LOXL3: variants seen among roughly 807,000 people sequenced by gnomAD.
The protein encoded by LOXL3 is lysyl oxidase like 3.
In LOXL3, 60 loss-of-function variants were observed where a neutral mutation model predicts 91.8. The observed-to-expected ratio is 0.65, with a 90% confidence interval of 0.53 to 0.81. LOXL3 has a LOEUF of 0.81. Among genes scored for constraint, LOXL3 ranks in the 30% least tolerant of loss-of-function variants. LOXL3 has a pLI of 0.00. For synonymous variants in LOXL3, 355 were observed against 387.6 expected (o/e 0.92, Z 0.99); for missense variants, 874 against 1,000.4 (o/e 0.87, Z 1.70).
In LOXL3 at chr2:74,534,748, C is replaced by G. The variant is rs774864986; in HGVS notation, c.1606G>C (p.Ala536Pro). 7.4e-6 allele frequency: 12 copies of G among 1,613,778 alleles called. No homozygotes were observed. The Admixed American group carries it at 1.5e-4, about 20-fold the overall frequency. ...ETASDLLLHS[A>P]LVQETAYIED... ...ATGTAGGCGGTCTCCTGCACCAGTG[C>G]TGAGTGCAGCAACAGATCTGATGCA... The change falls in exon 10 of 14, where the codon GCA becomes CCA. Residue 536 changes from alanine to proline, a missense_variant. By Grantham distance (27) the Ala-to-Pro change is conservative. Coordinates refer to ENST00000264094, the MANE Select transcript of LOXL3 (RefSeq NM_032603.5).
In LOXL3 at chr2:74,549,147, G is replaced by C; in HGVS notation, c.692+222C>G. 2.3e-6 allele frequency: 1 copy of C among 431,170 alleles called. No homozygotes were observed. Among genetic ancestry groups the C allele is most frequent in the Non-Finnish European group, 4.0e-6 (1 of 252,494 alleles). The allele number at this position is 431,170 out of a possible 1,614,324, so 26.7% of individuals were successfully genotyped here. A position where few individuals can be genotyped will look rare whatever the true frequency, so the allele number is the denominator to read the frequency against. On this transcript the variant is annotated intron_variant, in intron 4 of 13. Transcript: ENST00000264094. This position sits in a 1 kb window ranked among gnomAD's most constrained non-coding sequence, Gnocchi z 5.3. ...GCCCAGGCGTCGGCCACGAGAGAGC[G>C]GGAGCCTCGCTGGTCCCCATTTCAG...
In LOXL3 at chr2:74,533,261, A is replaced by G; in HGVS notation, c.*345T>C. 1 of 543,266 alleles carries G rather than the reference A, an allele frequency of 1.8e-6. No homozygotes were observed. Among genetic ancestry groups the G allele is most frequent in the Non-Finnish European group, 3.3e-6 (1 of 304,880 alleles). 33.7% of individuals were successfully genotyped at this position (543,266 alleles called of 1,614,324 possible). A position where few individuals can be genotyped will look rare whatever the true frequency, so the allele number is the denominator to read the frequency against. On this transcript the variant is annotated 3_prime_UTR_variant, in exon 14 of 14. Transcript: ENST00000264094. ...GGTAAAGCTGTATCCCCCTAAACTT[A>G]GGGGAGATACTGGAGCTGACCATCC...
rs934234883 is a variant in LOXL3 at position 74,549,560 on chromosome 2, C to G, written c.501G>C (p.Glu167Asp). ...VIEVEHHLQV[E>D]EVRIRPAVGW... is the part of the protein sequence containing the mutation. ...CAACGGCGGGTCGAATTCGCACCTC[C>G]TCCACTTGCAGGTGATGCTCTACCT... The change falls in exon 4 of 14, where the codon GAG (glutamate) becomes GAC (aspartate). Residue 167 changes from glutamate (E) to aspartate (D), a missense_variant. Physicochemically the swap from Glu to Asp is conservative, Grantham distance 45. Transcript: ENST00000264094. This position sits in a 1 kb window ranked among gnomAD's most constrained non-coding sequence, Gnocchi z 5.3. 11 of 1,610,768 alleles carry G rather than the reference C, an allele frequency of 6.8e-6. No homozygotes were observed. The highest frequency in any genetic ancestry group is 1.6e-4 in the Middle Eastern group (1 of 6,078).
chr2:74,552,284 A>C, intron 2 of LOXL3, 38 bp downstream of exon 2: 1 of 1,564,098 alleles, frequency 6.4e-7, no homozygotes, highest in Non-Finnish European at 8.7e-7. Context: ...TTGGCCACAC[A>C]TAGGAAATAT....
At position 74,535,758 on chromosome 2, in the gene LOXL3, G is replaced by T; in HGVS notation, c.1249-3C>A. On this transcript the variant is annotated splice_polypyrimidine_tract_variant and splice_region_variant and intron_variant, in intron 7 of 13. Coordinates refer to ENST00000264094, the MANE Select transcript of LOXL3 (RefSeq NM_032603.5). This position sits in a 1 kb window ranked among gnomAD's most constrained non-coding sequence, Gnocchi z 4.2. ...CTGCGGCCCCCACTGAGTCGGATCT[G>T]TAGTGACACAGAATGGAAGCGCTGG... The T allele has an allele frequency of 6.4e-7, 1 of 1,555,552 alleles. No homozygotes were observed. Among genetic ancestry groups the T allele is most frequent in the African/African-American group, 1.4e-5 (1 of 72,366 alleles).
rs922973106 is a variant in LOXL3 at position 74,534,756 on chromosome 2, A to G, written c.1598T>C (p.Leu533Pro). The change falls in exon 10 of 14, where the codon CTG (leucine) becomes CCG (proline). Residue 533 changes from leucine (L) to proline (P), a missense_variant. Leu to Pro is a moderately conservative substitution (Grantham distance 98). Transcript: ENST00000264094. ...ICSETASDLL[L>P]HSALVQETAY... ...GGTCTCCTGCACCAGTGCTGAGTGC[A>G]GCAACAGATCTGATGCAGCTGCACC... The G allele has an allele frequency of 2.5e-6, 4 of 1,613,450 alleles. No individual in the cohort carries two copies. In the African/African-American group the frequency reaches 5.3e-5, roughly 22 times the overall value.
At position 74,535,369 on chromosome 2, in the gene LOXL3, T is replaced by G; in HGVS notation, c.1502A>C (p.Gln501Pro). Reference sequence around the variant, plus strand: ...GATGTGGGTGCCATGATGGGCACACTGATCCAGGGACAGCTCAGTCCCTGT... The same window carrying G: ...GATGTGGGTGCCATGATGGGCACACGGATCCAGGGACAGCTCAGTCCCTGT... ...RCTGTELSLD[Q>P]CAHHGTHITC... Residue 501 changes from glutamine to proline, a missense_variant, in exon 9 of 14, where the codon CAG (glutamine) becomes CCG (proline). Transcript: ENST00000264094. This position sits in a 1 kb window ranked among gnomAD's most constrained non-coding sequence, Gnocchi z 4.2. 1.9e-6 allele frequency: 3 copies of G among 1,614,120 alleles called. No individual in the cohort carries two copies. Among genetic ancestry groups the G allele is most frequent in the Non-Finnish European group, 2.5e-6 (3 of 1,180,026 alleles).
chr2:74,543,985 T>C (rs1047398781), intron 4 of LOXL3, among the ~76,000 whole-genome samples: 1 of 150,370 alleles, frequency 6.7e-6, no homozygotes, highest in Admixed American at 6.6e-5. Context: ...AACCTGATCA[T>C]GCCATCTCAT....
At chr2:74,548,310 A>G (rs1394618914) in intron 4 of LOXL3, among the ~76,000 whole-genome samples, 1 of 152,238 alleles carries the variant, frequency 6.6e-6, no homozygotes, top group African/African-American at 2.4e-5. Flanking sequence ...AACGTCACCT[A>G]TACCTGGGTT....
At chr2:74,555,178 C>G, upstream of LOXL3, 1 of 1,613,040 alleles carries the variant, frequency 6.2e-7, no homozygotes, top group Non-Finnish European at 8.5e-7. The surrounding 1 kb of genome is among the most constrained non-coding windows in gnomAD (Gnocchi z 6.1). Flanking sequence ...CTGGGCCGTG[C>G]TCTACCCGGC....
rs1185628491 is a variant in LOXL3, at chr2:74,533,187, A to G, written c.*419T>C. 3 of 593,758 alleles carry G rather than the reference A, an allele frequency of 5.1e-6. No individual in the cohort carries two copies. The highest frequency in any genetic ancestry group is 3.0e-5 in the Admixed American group (1 of 33,470). The allele number at this position is 593,758 out of a possible 1,614,324, so 36.8% of individuals were successfully genotyped here. A position where few individuals can be genotyped will look rare whatever the true frequency, so the allele number is the denominator to read the frequency against. The stretch of plus-strand genomic sequence containing the variant: ...ATTATACCTAGCAACATATTATAGT[A>G]AAAAATGAGGTGGGAGGGCTGGATC... On this transcript the variant is annotated 3_prime_UTR_variant, in exon 14 of 14. Transcript: ENST00000264094.
At chr2:74,546,688 A>T (rs540664474) in intron 4 of LOXL3, among the ~76,000 whole-genome samples, 1 of 152,160 alleles carries the variant, frequency 6.6e-6, no homozygotes, top group South Asian at 2.1e-4. Flanking sequence ...TTCACCACTT[A>T]TTTATTTACT....
At chr2:74,554,531 C>T (rs1677253983), upstream of LOXL3, 3 of 573,782 alleles carry the variant, frequency 5.2e-6, no homozygotes, top group South Asian at 4.2e-5. The surrounding 1 kb of genome is among the most constrained non-coding windows in gnomAD (Gnocchi z 4.9). Context: ...GCCACTGGCG[C>T]GCCCCCACGA....
rs548722933 is a variant in LOXL3 at position 74,549,993 on chromosome 2, C to T, written c.477+192G>A. On this transcript the variant is annotated intron_variant, in intron 3 of 13. Coordinates refer to ENST00000264094, the MANE Select transcript of LOXL3 (RefSeq NM_032603.5). This position sits in a 1 kb window ranked among gnomAD's most constrained non-coding sequence, Gnocchi z 5.3. Reference sequence around the variant, plus strand: ...TGGAGAGGCTCATGCCAGGTTTAGCCCCTTGAATGTGAATGCTAAAAACCT... The same window carrying T: ...TGGAGAGGCTCATGCCAGGTTTAGCTCCTTGAATGTGAATGCTAAAAACCT... 1.0e-6 allele frequency: 1 copy of T among 985,406 alleles called. No homozygotes were observed. Among genetic ancestry groups the T allele is most frequent in the African/African-American group, 1.7e-5 (1 of 57,336 alleles). The allele number at this position is 985,406 out of a possible 1,614,324, so 61.0% of individuals were successfully genotyped here. A position where few individuals can be genotyped will look rare whatever the true frequency, so the allele number is the denominator to read the frequency against.
At position 74,536,663 on chromosome 2, in the gene LOXL3, G is replaced by A; in HGVS notation, c.912+46C>T. 2 of 1,588,950 alleles carry A rather than the reference G, an allele frequency of 1.3e-6. No homozygotes were observed. Among genetic ancestry groups the A allele is most frequent in the Non-Finnish European group, 1.7e-6 (2 of 1,158,964 alleles). On this transcript the variant is annotated intron_variant, in intron 5 of 13. Transcript: ENST00000264094. This position sits in a 1 kb window ranked among gnomAD's most constrained non-coding sequence, Gnocchi z 4.5. ...TTAGTCTGGGGTTGCCAGGCTAGGG[G>A]TTCTCCACCTGGGGTGGGAAAGGTC...
intron 4 of LOXL3, among the ~76,000 whole-genome samples, chr2:74,537,293 T>A (rs369840224): frequency 2.2e-4 from 33 of 152,210 alleles, no homozygotes; most frequent in African/African-American, 7.5e-4. Context: ...GACTTTCCAG[T>A]TGGAAGAAAT....
At chr2:74,555,369 C>T, upstream of LOXL3, 4 of 1,613,584 alleles carry the variant, frequency 2.5e-6, no homozygotes, top group Non-Finnish European at 3.4e-6. The surrounding 1 kb of genome is among the most constrained non-coding windows in gnomAD (Gnocchi z 6.1). Context: ...TCCGCCTGGA[C>T]ACTGCTCAGC....
At position 74,536,440 on chromosome 2, in the gene LOXL3, G is replaced by C; in HGVS notation, c.944C>G (p.Pro315Arg). Residue 315 changes from proline to arginine, a missense_variant, in exon 6 of 14, where the codon CCT becomes CGT. By Grantham distance (103) the Pro-to-Arg change is moderately radical. Transcript: ENST00000264094. This position sits in a 1 kb window ranked among gnomAD's most constrained non-coding sequence, Gnocchi z 4.5. Reference sequence around the variant, plus strand: ...CAGGACTTCTACCCGGCCCTCTCCAGGGTGGGCGCCGCCCTTTAGACGGAC... The same window carrying C: ...CAGGACTTCTACCCGGCCCTCTCCACGGTGGGCGCCGCCCTTTAGACGGAC... ...ARVRLKGGAH[P>R]GEGRVEVLKA... is the part of the protein sequence containing the mutation. 6.2e-7 allele frequency: 1 copy of C among 1,613,926 alleles called. No individual in the cohort carries two copies. The highest frequency in any genetic ancestry group is 8.5e-7 in the Non-Finnish European group (1 of 1,179,998).
chr2:74,540,757 C>G (rs544094709), intron 4 of LOXL3, among the ~76,000 whole-genome samples: 2 of 149,094 alleles, frequency 1.3e-5, no homozygotes, highest in African/African-American at 4.9e-5. Flanking sequence ...AGCCTTATCT[C>G]CTGGGCTCAA....
Sources: allele counts gnomAD v4.1 joint callset (sites outside exome capture counted in the v4.1 genomes callset), GRCh38; gene constraint gnomAD v4.1.1; non-coding constraint Gnocchi (gnomAD v3.1); transcripts MANE v1.5; gene names NCBI Gene and HGNC (gene_info 2026-07-23, HGNC 2026-07-21).